The following GPR52 variants were observed in gnomAD, a reference collection of about 807,000 sequenced individuals.
GPR52 encodes G protein-coupled receptor 52, also known as probable G-protein coupled receptor 52.
Under a neutral mutation model 24.0 loss-of-function variants are expected in GPR52, and 8 were observed. The ratio of observed to expected loss-of-function variants is 0.33; its 90% confidence interval spans 0.20 to 0.60. GPR52 has a LOEUF of 0.60. Among genes scored for constraint, GPR52 ranks in the 20% least tolerant of loss-of-function variants. The probability of loss-of-function intolerance (pLI) is 0.82; values close to 1 mark genes in which losing one functional copy is unlikely to be tolerated. For synonymous variants in GPR52, 144 were observed against 158.1 expected (o/e 0.91, Z 0.67); for missense variants, 412 against 447.7 (o/e 0.92, Z 0.72).
Position 174,448,789 on chromosome 1 carries a change from T to C in GPR52, c.678T>C (p.Ile226=), listed in dbSNP as rs747721479. 6.2e-6 allele frequency: 10 copies of C among 1,614,016 alleles called. No individual in the cohort carries two copies. Among genetic ancestry groups the C allele is most frequent in the Non-Finnish European group, 8.5e-6 (10 of 1,179,936 alleles). Residue 226 remains isoleucine, a synonymous_variant, in exon 1 of 1, where the codon ATT becomes ATC. Coordinates refer to ENST00000367685, the MANE Select transcript of GPR52 (RefSeq NM_005684.5). This position sits in a 1 kb window ranked among gnomAD's most constrained non-coding sequence, Gnocchi z 4.2. ...AFVVCFTYFH[I]FKICRQHTKE... is the part of the protein sequence containing the mutation. Reference sequence around the variant, plus strand: ...TTGTCTGCTTCACTTACTTCCACATTTTCAAAATTTGCCGTCAGCACACCA... The same window carrying C: ...TTGTCTGCTTCACTTACTTCCACATCTTCAAAATTTGCCGTCAGCACACCA...
In GPR52 at chr1:174,448,778, TA is replaced by T. The variant is rs777271752; in HGVS notation, c.668del (p.Tyr223SerfsTer15). On this transcript the variant is annotated frameshift_variant, in exon 1 of 1. Coordinates refer to ENST00000367685, the MANE Select transcript of GPR52 (RefSeq NM_005684.5). LOFTEE classifies it high-confidence loss of function. This position sits in a 1 kb window ranked among gnomAD's most constrained non-coding sequence, Gnocchi z 4.2. ...TGCTGCCTTTGTTGTCTGCTTCACTTACTTCCACATTTTCAAAATTTGCCGT... is the reference window on the plus strand; with the variant it reads ...TGCTGCCTTTGTTGTCTGCTTCACTTCTTCCACATTTTCAAAATTTGCCGT... ...APAAFVVCFT[Y>X]FHIFKICRQH... The T allele has an allele frequency of 6.2e-7, 1 of 1,613,866 alleles. No individual in the cohort carries two copies. Among genetic ancestry groups the T allele is most frequent in the Non-Finnish European group, 8.5e-7 (1 of 1,179,782 alleles).
rs755199573 is a variant in GPR52, at chr1:174,448,341, G to A, written c.230G>A (p.Ser77Asn). ...CAPLLHHYTT[S>N]YFIQTMAYAD... ...CCACTGTTACATCATTATACTACCA[G>A]CTATTTCATTCAGACGATGGCATAT... The change falls in exon 1 of 1, where the codon AGC (serine) becomes AAC (asparagine). Residue 77 changes from serine to asparagine, a missense_variant. Transcript: ENST00000367685. The surrounding 1 kb of genome is among the most constrained non-coding windows in gnomAD (Gnocchi z 4.2). The A allele has an allele frequency of 2.5e-6, 4 of 1,613,820 alleles. No homozygotes were observed. The highest frequency in any genetic ancestry group is 3.4e-6 in the Non-Finnish European group (4 of 1,179,784).
chr1:174,449,177 G>T lies in GPR52; in HGVS notation c.1066G>T (p.Ala356Ser). The T allele has an allele frequency of 6.2e-7, 1 of 1,600,510 alleles. No individual in the cohort carries two copies. Residue 356 changes from alanine (A) to serine (S), a missense_variant, in exon 1 of 1, where the codon GCT becomes TCT. By Grantham distance (99) the Ala-to-Ser change is moderately conservative (BLOSUM62 1). Coordinates refer to ENST00000367685, the MANE Select transcript of GPR52 (RefSeq NM_005684.5). ...ACAAGAACCCAAACCTAGGAAACGG[G>T]CTAATTCTTGCTCCATTTGAAGAGA... ...EAQEPKPRKR[A>S]NSCSI
chr1:174,448,408 G>A lies in GPR52; in HGVS notation c.297G>A (p.Leu99=), dbSNP rs141857283. The change falls in exon 1 of 1, where the codon CTG becomes CTA. Residue 99 remains leucine, a synonymous_variant. Transcript: ENST00000367685. This position sits in a 1 kb window ranked among gnomAD's most constrained non-coding sequence, Gnocchi z 4.2. ...GAGTTAGCTGCTTGGTTCCTACTCT[G>A]TCACTTCTCCACTACTCCACAGGTG... ...FVGVSCLVPT[L]SLLHYSTGVH... 31 of 1,613,136 alleles carry A rather than the reference G, an allele frequency of 1.9e-5. No homozygotes were observed. The highest frequency in any genetic ancestry group is 3.3e-4 in the Middle Eastern group (2 of 6,082).
In GPR52 at chr1:174,448,542, C is replaced by A. The variant is rs759541008; in HGVS notation, c.431C>A (p.Thr144Asn). 2.5e-6 allele frequency: 4 copies of A among 1,612,504 alleles called. No individual in the cohort carries two copies. Among genetic ancestry groups the A allele is most frequent in the Non-Finnish European group, 3.4e-6 (4 of 1,179,016 alleles). Reference protein sequence around the residue: ...CISVDRYLAITKPLSYNQLVT... With the variant: ...CISVDRYLAINKPLSYNQLVT... ...AGTGTGGATCGTTATCTTGCAATAA[C>A]CAAGCCTCTTTCCTACAATCAACTG... Residue 144 changes from threonine to asparagine, a missense_variant, in exon 1 of 1, where the codon ACC becomes AAC. Thr to Asn is a moderately conservative substitution (Grantham distance 65). Coordinates refer to ENST00000367685, the MANE Select transcript of GPR52 (RefSeq NM_005684.5). This position sits in a 1 kb window ranked among gnomAD's most constrained non-coding sequence, Gnocchi z 4.2.
Position 174,449,085 on chromosome 1 carries a change from G to A in GPR52, c.974G>A (p.Arg325Gln), listed in dbSNP as rs190571445. The change falls in exon 1 of 1, where the codon CGG becomes CAG. Residue 325 changes from arginine (R) to glutamine (Q), a missense_variant. Transcript: ENST00000367685. The part of the protein sequence containing the change: ...VIYSLSNSVF[R>Q]LGLRRLSETM... ...TACAGCCTCTCCAACAGCGTTTTCC[G>A]GCTAGGCCTCCGAAGACTGTCTGAG... is the stretch of plus-strand genomic sequence containing the variant. 4.0e-5 allele frequency: 65 copies of A among 1,613,996 alleles called. No individual in the cohort carries two copies. The highest frequency in any genetic ancestry group is 3.3e-4 in the Middle Eastern group (2 of 6,062).
rs778061724 is a variant in GPR52, at chr1:174,448,449, C to T, written c.338C>T (p.Thr113Ile). ...TCCACAGGTGTCCACGAGTCATTGA[C>T]TTGCCAGGTTTTTGGATATATCATC... ...HYSTGVHESL[T>I]CQVFGYIISV... Residue 113 changes from threonine to isoleucine, a missense_variant, in exon 1 of 1, where the codon ACT becomes ATT. Coordinates refer to ENST00000367685, the MANE Select transcript of GPR52 (RefSeq NM_005684.5). The surrounding 1 kb of genome is among the most constrained non-coding windows in gnomAD (Gnocchi z 4.2). The T allele has an allele frequency of 2.5e-6, 4 of 1,613,654 alleles. No homozygotes were observed. The highest frequency in any genetic ancestry group is 1.7e-5 in the Admixed American group (1 of 59,992).
rs1423880857 is a variant in GPR52, at chr1:174,448,987, C to T, written c.876C>T (p.Val292=). 1.9e-6 allele frequency: 3 copies of T among 1,613,348 alleles called. No individual in the cohort carries two copies. Among genetic ancestry groups the T allele is most frequent in the Non-Finnish European group, 2.5e-6 (3 of 1,179,428 alleles). Residue 292 remains valine, a synonymous_variant, in exon 1 of 1, where the codon GTC becomes GTT. Coordinates refer to ENST00000367685, the MANE Select transcript of GPR52 (RefSeq NM_005684.5). The surrounding 1 kb of genome is among the most constrained non-coding windows in gnomAD (Gnocchi z 4.2). Reference sequence around the variant, plus strand: ...ACTTTCTTCTAGAAAGCTCCCGGGTCTTGGACAATCCAACTCTGTCCTTCT... The same window carrying T: ...ACTTTCTTCTAGAAAGCTCCCGGGTTTTGGACAATCCAACTCTGTCCTTCT... ...IIYFLLESSR[V]LDNPTLSFLT... is the part of the protein sequence containing the mutation.
In GPR52 at chr1:174,448,669, T is replaced by G. The variant is rs1485484746; in HGVS notation, c.558T>G (p.His186Gln). Residue 186 changes from histidine (H) to glutamine (Q), a missense_variant, in exon 1 of 1, where the codon CAT becomes CAG. By Grantham distance (24) the His-to-Gln change is conservative. Transcript: ENST00000367685. The surrounding 1 kb of genome is among the most constrained non-coding windows in gnomAD (Gnocchi z 4.2). ...TTGGCTGGGGGAAACCTGGTTACCA[T>G]GGTGACATTTTTGAATGGTGTGCCA... ...SFFGWGKPGY[H>Q]GDIFEWCATS... is the part of the protein sequence containing the mutation. The G allele has an allele frequency of 1.2e-6, 2 of 1,613,778 alleles. No homozygotes were observed. Among genetic ancestry groups the G allele is most frequent in the Non-Finnish European group, 1.7e-6 (2 of 1,179,806 alleles).
Position 174,448,803 on chromosome 1 carries a change from G to T in GPR52, c.692G>T (p.Arg231Leu). 1 of 1,613,870 alleles carries T rather than the reference G, an allele frequency of 6.2e-7. No individual in the cohort carries two copies. ...FTYFHIFKIC[R>L]QHTKEINDRR... ...TACTTCCACATTTTCAAAATTTGCCGTCAGCACACCAAAGAGATAAATGAC... is the reference window on the plus strand; with the variant it reads ...TACTTCCACATTTTCAAAATTTGCCTTCAGCACACCAAAGAGATAAATGAC... Residue 231 changes from arginine (R) to leucine (L), a missense_variant, in exon 1 of 1, where the codon CGT becomes CTT. Transcript: ENST00000367685. This position sits in a 1 kb window ranked among gnomAD's most constrained non-coding sequence, Gnocchi z 4.2.
rs1295681857 is a variant in GPR52, at chr1:174,448,073, C to T, written c.-39C>T. On this transcript the variant is annotated 5_prime_UTR_variant, in exon 1 of 1. Coordinates refer to ENST00000367685, the MANE Select transcript of GPR52 (RefSeq NM_005684.5). The surrounding 1 kb of genome is among the most constrained non-coding windows in gnomAD (Gnocchi z 4.2). ...AGATGCTGGGCAGGGCATCTGCTTGCTGTAGCCAAGTCTGCAGGTGTCTTT... is the reference window on the plus strand; with the variant it reads ...AGATGCTGGGCAGGGCATCTGCTTGTTGTAGCCAAGTCTGCAGGTGTCTTT... The T allele has an allele frequency of 6.4e-7, 1 of 1,568,472 alleles. No homozygotes were observed. The highest frequency in any genetic ancestry group is 8.7e-7 in the Non-Finnish European group (1 of 1,153,542).
In GPR52 at chr1:174,448,001, A is replaced by C; in HGVS notation, c.-111A>C. The C allele has an allele frequency of 1.2e-6, 1 of 846,696 alleles. No individual in the cohort carries two copies. The allele number at this position is 846,696 out of a possible 1,614,324, so 52.4% of individuals were successfully genotyped here. On this transcript the variant is annotated 5_prime_UTR_variant, in exon 1 of 1. Coordinates refer to ENST00000367685, the MANE Select transcript of GPR52 (RefSeq NM_005684.5). This position sits in a 1 kb window ranked among gnomAD's most constrained non-coding sequence, Gnocchi z 4.2. ...TCTCAGCTGTGACAGAAGCACTGAC[A>C]CTGTCTACTGAAGCAGGTTCTGAAA...
rs1038739312 is a variant in GPR52, at chr1:174,448,480, T to C, written c.369T>C (p.Val123=). Residue 123 remains valine (V), a synonymous_variant, in exon 1 of 1, where the codon GTT becomes GTC. Transcript: ENST00000367685. The surrounding 1 kb of genome is among the most constrained non-coding windows in gnomAD (Gnocchi z 4.2). ...AGGTTTTTGGATATATCATCTCAGT[T>C]CTAAAAAGTGTTTCTATGGCATGTC... ...TCQVFGYIIS[V]LKSVSMACLA... 1 of 1,613,826 alleles carries C rather than the reference T, an allele frequency of 6.2e-7. No individual in the cohort carries two copies. The highest frequency in any genetic ancestry group is 8.5e-7 in the Non-Finnish European group (1 of 1,179,848).
At position 174,449,119 on chromosome 1, in the gene GPR52, C is replaced by T; in HGVS notation, c.1008C>T (p.Cys336=). The change falls in exon 1 of 1, where the codon TGC becomes TGT. Residue 336 remains cysteine (C), a synonymous_variant. Coordinates refer to ENST00000367685, the MANE Select transcript of GPR52 (RefSeq NM_005684.5). ...TCCGAAGACTGTCTGAGACAATGTG[C>T]ACATCCTGTATGTGTGTGAAGGATC... ...LGLRRLSETM[C]TSCMCVKDQE... is the part of the protein sequence containing the mutation. 6.2e-7 allele frequency: 1 copy of T among 1,613,432 alleles called. No individual in the cohort carries two copies. The highest frequency in any genetic ancestry group is 8.5e-7 in the Non-Finnish European group (1 of 1,179,386).
At position 174,448,573 on chromosome 1, in the gene GPR52, C is replaced by CGTG; in HGVS notation, c.462_463insGTG (p.Thr154_Pro155insVal). On this transcript the variant is annotated inframe_insertion, in exon 1 of 1. Transcript: ENST00000367685. This position sits in a 1 kb window ranked among gnomAD's most constrained non-coding sequence, Gnocchi z 4.2. ...CTCTTTCCTACAATCAACTGGTCAC[C>CGTG]CCTTGTCGCTTGAGAATTTGCATTA... 1 of 1,613,766 alleles carries CGTG rather than the reference C, an allele frequency of 6.2e-7. No homozygotes were observed. Among genetic ancestry groups the CGTG allele is most frequent in the Non-Finnish European group, 8.5e-7 (1 of 1,179,734 alleles).
At position 174,448,564 on chromosome 1, in the gene GPR52, A is replaced by T; in HGVS notation, c.453A>T (p.Gln151His). 2 of 1,613,610 alleles carry T rather than the reference A, an allele frequency of 1.2e-6. No homozygotes were observed. Among genetic ancestry groups the T allele is most frequent in the South Asian group, 2.2e-5 (2 of 91,070 alleles). Residue 151 changes from glutamine to histidine, a missense_variant, in exon 1 of 1, where the codon CAA becomes CAT. Physicochemically the swap from Gln to His is conservative, Grantham distance 24 (BLOSUM62 0). Transcript: ENST00000367685. The surrounding 1 kb of genome is among the most constrained non-coding windows in gnomAD (Gnocchi z 4.2). ...LAITKPLSYNQLVTPCRLRIC... is the reference protein window; with the variant it reads ...LAITKPLSYNHLVTPCRLRIC... ...TAACCAAGCCTCTTTCCTACAATCA[A>T]CTGGTCACCCCTTGTCGCTTGAGAA...
At position 174,448,040 on chromosome 1, in the gene GPR52, T is replaced by G; in HGVS notation, c.-72T>G. The G allele has an allele frequency of 7.7e-7, 1 of 1,292,516 alleles. No individual in the cohort carries two copies. The highest frequency in any genetic ancestry group is 1.1e-6 in the Non-Finnish European group (1 of 914,506). The allele number at this position is 1,292,516 out of a possible 1,614,324, so 80.1% of individuals were successfully genotyped here. On this transcript the variant is annotated 5_prime_UTR_variant, in exon 1 of 1. Coordinates refer to ENST00000367685, the MANE Select transcript of GPR52 (RefSeq NM_005684.5). This position sits in a 1 kb window ranked among gnomAD's most constrained non-coding sequence, Gnocchi z 4.2. ...CAGGTTCTGAAACACTCATGTGCGG[T>G]GTTTAACAGATGCTGGGCAGGGCAT...
At position 174,448,980 on chromosome 1, in the gene GPR52, C is replaced by T. The variant is rs1247787809; in HGVS notation, c.869C>T (p.Ser290Phe). ...ATAATTTACTTTCTTCTAGAAAGCT[C>T]CCGGGTCTTGGACAATCCAACTCTG... ...PYIIYFLLES[S>F]RVLDNPTLSF... Residue 290 changes from serine to phenylalanine, a missense_variant, in exon 1 of 1, where the codon TCC becomes TTC. By Grantham distance (155) the Ser-to-Phe change is radical (BLOSUM62 -2). Transcript: ENST00000367685. This position sits in a 1 kb window ranked among gnomAD's most constrained non-coding sequence, Gnocchi z 4.2. 1 of 1,613,480 alleles carries T rather than the reference C, an allele frequency of 6.2e-7. No homozygotes were observed. Among genetic ancestry groups the T allele is most frequent in the Non-Finnish European group, 8.5e-7 (1 of 1,179,436 alleles).
In GPR52 at chr1:174,449,337, C is replaced by A; in HGVS notation, c.*140C>A. On this transcript the variant is annotated 3_prime_UTR_variant, in exon 1 of 1. Coordinates refer to ENST00000367685, the MANE Select transcript of GPR52 (RefSeq NM_005684.5). ...GAAGTATGAGACTAAAGGTTTCTCT[C>A]TTTTTTTTTCTTTTTCATGGAAGAA... The A allele has an allele frequency of 1.5e-6, 1 of 675,770 alleles. No individual in the cohort carries two copies. Among genetic ancestry groups the A allele is most frequent in the Non-Finnish European group, 2.4e-6 (1 of 414,572 alleles). 41.9% of individuals were successfully genotyped at this position (675,770 alleles called of 1,614,324 possible). A position where few individuals can be genotyped will look rare whatever the true frequency, so the allele number is the denominator to read the frequency against.
Sources: gnomAD v4.1 joint callset for allele counts on GRCh38, gnomAD v4.1.1 for gene constraint, Gnocchi (gnomAD v3.1) non-coding constraint, MANE v1.5 for transcripts, NCBI Gene and HGNC (gene_info 2026-07-23, HGNC 2026-07-21) for gene names.